Variants in GLRA3 observed in about 807,000 individuals in gnomAD.
The protein encoded by GLRA3 is glycine receptor subunit alpha-3.
GLRA3 carries 44 observed loss-of-function variants against 60.4 expected under a neutral mutation model. The observed-to-expected ratio is 0.73, with a 90% confidence interval of 0.57 to 0.94. The LOEUF (loss-of-function observed/expected upper bound fraction) is 0.94, where lower values mean the gene tolerates loss of function less well. Ranked by LOEUF, GLRA3 falls within the 40% of genes least tolerant of loss-of-function variation. The pLI is 0.00. For synonymous variants in GLRA3, 223 were observed against 192.9 expected (o/e 1.16, Z -1.29); for missense variants, 508 against 564.6 (o/e 0.90, Z 1.02).
At chr4:174,756,438 G>A (rs1369648788) in intron 3 of GLRA3, among the ~76,000 whole-genome samples, 2 of 151,814 alleles carry the variant, frequency 1.3e-5, no homozygotes, top group African/African-American at 4.8e-5. Flanking sequence ...AACGCAAGAA[G>A]GATTTACTAC....
chr4:174,694,362 A>C (rs6553807), intron 5 of GLRA3, among the ~76,000 whole-genome samples: 63,354 of 151,858 alleles, frequency 0.42, 13,806 homozygotes, highest in Middle Eastern at 0.53. Flanking sequence ...AACAAATTTA[A>C]AACTAATGAA....
chr4:174,795,821 T>C (rs1357728032), intron 1 of GLRA3, among the ~76,000 whole-genome samples: 1 of 152,190 alleles, frequency 6.6e-6, no homozygotes, highest in Non-Finnish European at 1.5e-5. Flanking sequence ...CCTTATGAAG[T>C]GAGCAGGAGC....
intron 4 of GLRA3, among the ~76,000 whole-genome samples, chr4:174,717,102 C>T (rs1735950278): frequency 6.7e-6 from 1 of 150,288 alleles, no homozygotes; most frequent in African/African-American, 2.4e-5. Flanking sequence ...ATCCTGGCTA[C>T]TCAGGAAGCT....
intron 9 of GLRA3, among the ~76,000 whole-genome samples, chr4:174,655,698 TAATC>T (rs1733169666): frequency 6.6e-6 from 1 of 152,094 alleles, no homozygotes; most frequent in African/African-American, 2.4e-5. Flanking sequence ...ACAGTTAAGA[TAATC>T]AAATAAAAGC....
chr4:174,643,713 T>C lies in GLRA3; in HGVS notation c.*73A>G, dbSNP rs1732696738. 2 of 1,551,244 alleles carry C rather than the reference T, an allele frequency of 1.3e-6. No homozygotes were observed. Among genetic ancestry groups the C allele is most frequent in the African/African-American group, 1.4e-5 (1 of 72,930 alleles). On this transcript the variant is annotated 3_prime_UTR_variant, in exon 10 of 10. Transcript: ENST00000274093. ...ATCATTTGTATACCACACGCACACA[T>C]ATACACATACACACCTATGGCAGAG...
chr4:174,658,611 G>A (rs577539636), intron 8 of GLRA3, among the ~76,000 whole-genome samples: 1 of 152,234 alleles, frequency 6.6e-6, no homozygotes, highest in Non-Finnish European at 1.5e-5. Flanking sequence ...AGATTTGCAT[G>A]TATTTATCAT....
chr4:174,691,805 G>A lies in GLRA3; in HGVS notation c.575-8866C>T, dbSNP rs369612275. On this transcript the variant is annotated intron_variant, in intron 5 of 9. Coordinates refer to ENST00000274093, the MANE Select transcript of GLRA3 (RefSeq NM_006529.4). Reference sequence around the variant, plus strand: ...AGTGCCAAGATTGCAGCCTCTGCCCGGCCGCCACCCCATCTGGGAAGTGAG... The same window carrying A: ...AGTGCCAAGATTGCAGCCTCTGCCCAGCCGCCACCCCATCTGGGAAGTGAG... Among the ~76,000 whole-genome samples the A allele has an allele frequency of 2.4e-3, 370 of 152,166 alleles. 2 individuals are homozygous for A. Among genetic ancestry groups the A allele is most frequent in the Middle Eastern group, 0.01 (3 of 294 alleles).
At chr4:174,804,259 G>A (rs1019439346) in intron 1 of GLRA3, among the ~76,000 whole-genome samples, 3 of 152,136 alleles carry the variant, frequency 2.0e-5, no homozygotes, top group African/African-American at 7.2e-5. Flanking sequence ...TGATGGGAAA[G>A]AGTACGGAAA....
At chr4:174,799,988 T>TA (rs1169785565) in intron 1 of GLRA3, among the ~76,000 whole-genome samples, 6 of 151,962 alleles carry the variant, frequency 3.9e-5, no homozygotes, top group African/African-American at 9.7e-5. Flanking sequence ...AGATAAAAAA[T>TA]AAAAAAACTG....
intron 1 of GLRA3, among the ~76,000 whole-genome samples, chr4:174,803,653 T>C (rs568559681): frequency 6.4e-4 from 98 of 152,336 alleles, no homozygotes; most frequent in African/African-American, 2.3e-3. Flanking sequence ...AATCTTATGC[T>C]GAAATTTGGC....
At chr4:174,801,670 C>A (rs761856408) in intron 1 of GLRA3, among the ~76,000 whole-genome samples, 6 of 152,092 alleles carry the variant, frequency 3.9e-5, no homozygotes, top group Admixed American at 2.0e-4. Flanking sequence ...TTCTCTTTGA[C>A]TGGTCTATTC....
At chr4:174,693,020 G>A (rs1008826019) in intron 5 of GLRA3, among the ~76,000 whole-genome samples, 1 of 150,824 alleles carries the variant, frequency 6.6e-6, no homozygotes, top group Admixed American at 6.6e-5. Context: ...TTCTCTTATT[G>A]TAAATTTGTT....
At chr4:174,765,169 C>G (rs1369485309) in intron 3 of GLRA3, among the ~76,000 whole-genome samples, 1 of 133,230 alleles carries the variant, frequency 7.5e-6, no homozygotes, top group East Asian at 2.5e-4. Flanking sequence ...TTGCAGAATG[C>G]TATTCTATAA....
intron 5 of GLRA3, among the ~76,000 whole-genome samples, chr4:174,688,402 A>C (rs1453743567): frequency 8.1e-6 from 1 of 122,706 alleles, no homozygotes; most frequent in Non-Finnish European, 1.7e-5. Flanking sequence ...TATTCATCAG[A>C]TTTTTTATTT....
At chr4:174,657,905 G>A (rs1028850111) in intron 8 of GLRA3, among the ~76,000 whole-genome samples, 24 of 152,080 alleles carry the variant, frequency 1.6e-4, no homozygotes, top group African/African-American at 5.8e-4. Context: ...CCACGTAGCT[G>A]TTAATTGTGT....
chr4:174,769,620 C>A (rs568869558), intron 2 of GLRA3, among the ~76,000 whole-genome samples: 1 of 152,114 alleles, frequency 6.6e-6, no homozygotes, highest in South Asian at 2.1e-4. Flanking sequence ...TCAAAGCAAT[C>A]GTTCTATGAC....
intron 1 of GLRA3, among the ~76,000 whole-genome samples, chr4:174,820,519 G>A (rs965783589): frequency 2.0e-5 from 3 of 152,168 alleles, no homozygotes; most frequent in Non-Finnish European, 4.4e-5. Context: ...AACTCAGACA[G>A]TGGCAACAGC....
At chr4:174,822,610 A>C (rs1368598468) in intron 1 of GLRA3, among the ~76,000 whole-genome samples, 1 of 152,178 alleles carries the variant, frequency 6.6e-6, no homozygotes, top group African/African-American at 2.4e-5. Context: ...AGGATACTGG[A>C]TGGACCAGTT....
At chr4:174,805,179 CCTCT>C (rs1739989709) in intron 1 of GLRA3, among the ~76,000 whole-genome samples, 3 of 152,010 alleles carry the variant, frequency 2.0e-5, no homozygotes, top group South Asian at 2.1e-4. Context: ...ACTCCTTTAC[CCTCT>C]CTATTTGCCT....
Sources: gnomAD v4.1 joint callset for allele counts (sites outside exome capture counted in the v4.1 genomes callset) on GRCh38, gnomAD v4.1.1 for gene constraint, MANE v1.5 for transcripts, NCBI Gene and HGNC (gene_info 2026-07-23, HGNC 2026-07-21) for gene names.